The following PLCXD1 variants were observed in gnomAD, a reference collection of about 807,000 sequenced individuals.
PLCXD1 encodes the protein PI-PLC X domain-containing protein 1.
In PLCXD1, 45 loss-of-function variants were observed where a neutral mutation model predicts 37.8. That is an observed-to-expected ratio of 1.19 (90% CI 0.94 to 1.53). PLCXD1 has a LOEUF of 1.53. Among genes scored for constraint, PLCXD1 ranks in the 40% most tolerant of loss-of-function variants. PLCXD1 has a pLI of 0.00. For missense variants in PLCXD1, 539 were observed against 454.7 expected (o/e 1.19, Z -1.69); for synonymous variants, 246 against 206.9 (o/e 1.19, Z -1.62).
chrX:294,380 G>A (rs1362235232), intron 6 of PLCXD1, among the ~76,000 whole-genome samples: 1 of 152,016 alleles, frequency 6.6e-6, no homozygotes, highest in Non-Finnish European at 1.5e-5. Context: ...TACTCCGGAG[G>A]CTGAGGTAGG....
At chrX:283,698 G>A (rs1039789141) in intron 1 of PLCXD1, 8 of 153,632 alleles carry the variant, frequency 5.2e-5, no homozygotes, top group African/African-American at 1.9e-4. Context: ...ACGGGTGGGG[G>A]CGAGGGCAAG....
intron 2 of PLCXD1, among the ~76,000 whole-genome samples, chrX:285,319 C>T (rs1236873599): frequency 4.6e-5 from 7 of 152,026 alleles, no homozygotes; most frequent in South Asian, 2.1e-4. Flanking sequence ...TGCACATGTG[C>T]GGGTGTGTAC....
chrX:291,775 C>A, intron 5 of PLCXD1, 121 bp downstream of exon 5: 1 of 1,092,802 alleles, frequency 9.2e-7, no homozygotes, highest in South Asian at 1.4e-5. Flanking sequence ...GTGAAGCCGT[C>A]GAACGGGGGC....
chrX:300,472 GTGTGTGTATA>G lies in PLCXD1; in HGVS notation c.*1147_*1156del, dbSNP rs952567153. The G allele has an allele frequency of 2.8e-5, 4 of 143,246 alleles. 1 individual carries two copies. The East Asian group carries it at 7.9e-4, about 28-fold the overall frequency. 8.9% of individuals were successfully genotyped at this position (143,246 alleles called of 1,614,324 possible). A position where few individuals can be genotyped will look rare whatever the true frequency, so the allele number is the denominator to read the frequency against. On this transcript the variant is annotated 3_prime_UTR_variant, in exon 7 of 7. Transcript: ENST00000381657. ...TTTATACATGTGTATATGTGTGTGT[GTGTGTGTATA>G]TGTGTGTATGTGTGTATATATGTAT...
chrX:294,390 G>C (rs2069737609), intron 6 of PLCXD1, among the ~76,000 whole-genome samples: 1 of 151,912 alleles, frequency 6.6e-6, no homozygotes, highest in Non-Finnish European at 1.5e-5. Context: ...GCTGAGGTAG[G>C]AGAATGGTGT....
chrX:291,401 C>T, intron 4 of PLCXD1, 98 bp from the exon 5 acceptor site: 1 of 1,401,718 alleles, frequency 7.1e-7, no homozygotes, highest in South Asian at 1.2e-5. Flanking sequence ...CCGCCTCGGC[C>T]TCCCAAATTG....
chrX:287,922 C>G (rs2069509559), intron 2 of PLCXD1, among the ~76,000 whole-genome samples: 1 of 152,048 alleles, frequency 6.6e-6, no homozygotes, highest in Non-Finnish European at 1.5e-5. Context: ...AATTTACTCT[C>G]TCCCAGTTCT....
intron 5 of PLCXD1, 144 bp downstream of exon 5, chrX:291,798 C>T (rs186494457): frequency 3.7e-5 from 34 of 929,956 alleles, no homozygotes; most frequent in Admixed American, 3.5e-4. Flanking sequence ...CCTGCTCTCC[C>T]GCAGTGTGGG....
chrX:291,567 A>C lies in PLCXD1; in HGVS notation c.462A>C (p.Arg154Ser), dbSNP rs1312009323. ...HPREVVILAC[R>S]NFEGLSEDLH... ...GCGAGGTGGTCATCCTGGCCTGCAG[A>C]AACTTCGAGGGGCTGAGCGAGGACC... Residue 154 changes from arginine (R) to serine (S), a missense_variant, in exon 5 of 7, where the codon AGA (arginine) becomes AGC (serine). Arg to Ser is a moderately radical substitution (Grantham distance 110). Coordinates refer to ENST00000381657, the MANE Select transcript of PLCXD1 (RefSeq NM_018390.4). 1.9e-6 allele frequency: 3 copies of C among 1,613,012 alleles called. No individual in the cohort carries two copies. In the African/African-American group the frequency reaches 4.0e-5, roughly 22 times the overall value.
chrX:282,485 A>G (rs2069301996), intron 1 of PLCXD1, among the ~76,000 whole-genome samples: 1 of 151,954 alleles, frequency 6.6e-6, no homozygotes, highest in African/African-American at 2.4e-5. Flanking sequence ...CAGGCAGATC[A>G]CCTGAGGTCA....
rs1384432987 is a variant in PLCXD1 at position 281,529 on chromosome X, A to G, written c.-177A>G. On this transcript the variant is annotated 5_prime_UTR_variant, in exon 1 of 7. Coordinates refer to ENST00000381657, the MANE Select transcript of PLCXD1 (RefSeq NM_018390.4). ...GTGTGGAAGAGAAGGCAGCAGGATT[A>G]TTACAGAACCTTGTGAAGCCAACGC... The G allele has an allele frequency of 6.6e-6, 1 of 152,340 alleles. No homozygotes were observed. Among genetic ancestry groups the G allele is most frequent in the African/African-American group, 2.4e-5 (1 of 41,440 alleles). 9.4% of individuals were successfully genotyped at this position (152,340 alleles called of 1,614,324 possible).
chrX:290,141 G>A (rs993162973), intron 3 of PLCXD1, among the ~76,000 whole-genome samples: 6 of 151,928 alleles, frequency 3.9e-5, no homozygotes, highest in African/African-American at 1.2e-4. Flanking sequence ...AAAATTTTTA[G>A]TAGAGGCCGG....
chrX:285,659 A>G (rs1602852253), intron 2 of PLCXD1, among the ~76,000 whole-genome samples: 1 of 152,232 alleles, frequency 6.6e-6, no homozygotes, highest in East Asian at 1.9e-4. Flanking sequence ...ACATGCACAC[A>G]CGTAGACACA....
At chrX:284,605 CACGCACACAT>C (rs1232698364) in intron 2 of PLCXD1, among the ~76,000 whole-genome samples, 4 of 26,454 alleles carry the variant, frequency 1.5e-4, no homozygotes, top group Non-Finnish European at 4.8e-4. Context: ...CACACGCACA[CACGCACACAT>C]GCACATCTGC....
upstream of PLCXD1, among the ~76,000 whole-genome samples, chrX:276,722 C>T (rs2069164092): frequency 6.6e-6 from 1 of 152,156 alleles, no homozygotes; most frequent in African/African-American, 2.4e-5. Flanking sequence ...ACTTGCTTGG[C>T]CGGTTGGACG....
chrX:291,010 C>G (rs1324744726), intron 4 of PLCXD1, among the ~76,000 whole-genome samples: 2 of 151,422 alleles, frequency 1.3e-5, no homozygotes, highest in African/African-American at 4.9e-5. Flanking sequence ...GGGAGGTGGC[C>G]AAGCTCCCGT....
Position 291,294 on chromosome X carries a change from G to A in PLCXD1, c.394-205G>A, listed in dbSNP as rs1191093964. On this transcript the variant is annotated intron_variant, in intron 4 of 6. Transcript: ENST00000381657. ...CCAAGTAGCTGGGATTACAGACGCC[G>A]GACACCACGCCCAGCTAATTTTTGT... is the stretch of plus-strand genomic sequence containing the variant. Among the ~76,000 whole-genome samples, 4 of 151,868 alleles carry A rather than the reference G, an allele frequency of 2.6e-5. No individual in the cohort carries two copies. The South Asian group carries it at 6.2e-4, about 24-fold the overall frequency.
At chrX:285,315 T>C (rs1037030382) in intron 2 of PLCXD1, among the ~76,000 whole-genome samples, 1 of 151,944 alleles carries the variant, frequency 6.6e-6, no homozygotes, top group African/African-American at 2.4e-5. Context: ...TGCATGCACA[T>C]GTGCGGGTGT....
chrX:293,061 G>T lies in PLCXD1; in HGVS notation c.576G>T (p.Trp192Cys), dbSNP rs1451635220. Reference sequence around the variant, plus strand: ...AGGTGCCGACACTGCGGCAGCTGTGGTCCCGGGGCCAACAGGTCATCGTCT... The same window carrying T: ...AGGTGCCGACACTGCGGCAGCTGTGTTCCCGGGGCCAACAGGTCATCGTCT... ...RGEVPTLRQLWSRGQQVIVSY... is the reference protein window; with the variant it reads ...RGEVPTLRQLCSRGQQVIVSY... Residue 192 changes from tryptophan (W) to cysteine (C), a missense_variant, in exon 6 of 7, where the codon TGG (tryptophan) becomes TGT (cysteine). By Grantham distance (215) the Trp-to-Cys change is radical (BLOSUM62 -2). Transcript: ENST00000381657. 3 of 1,610,496 alleles carry T rather than the reference G, an allele frequency of 1.9e-6. No individual in the cohort carries two copies. Among genetic ancestry groups the T allele is most frequent in the Non-Finnish European group, 2.5e-6 (3 of 1,179,044 alleles).
Sources: allele counts gnomAD v4.1 joint callset (sites outside exome capture counted in the v4.1 genomes callset), GRCh38; gene constraint gnomAD v4.1.1; transcripts MANE v1.5; gene names NCBI Gene and HGNC (gene_info 2026-07-23, HGNC 2026-07-21).